The following VPS8 variants were observed in gnomAD, a reference collection of about 807,000 sequenced individuals.
The protein encoded by VPS8 is vacuolar protein sorting-associated protein 8 homolog.
Under a neutral mutation model 216.4 loss-of-function variants are expected in VPS8, and 129 were observed. The observed-to-expected ratio is 0.60, with a 90% CI of 0.52 to 0.69. The LOEUF is 0.69. VPS8 is among the 30% of genes least tolerant of loss of function. The pLI is 0.00. For missense variants in VPS8, 1,531 were observed against 1,683.5 expected (o/e 0.91, Z 1.59); for synonymous variants, 571 against 565.4 (o/e 1.01, Z -0.14).
intron 36 of VPS8, among the ~76,000 whole-genome samples, chr3:184,946,077 A>G (rs563975123): frequency 6.6e-6 from 1 of 152,348 alleles, no homozygotes; most frequent in South Asian, 2.1e-4. Flanking sequence ...GGTGTTATCT[A>G]TAGGAGCAGT....
intron 21 of VPS8, among the ~76,000 whole-genome samples, chr3:184,874,619 TTTAG>T (rs1256846613): frequency 2.0e-5 from 3 of 151,954 alleles, no homozygotes; most frequent in African/African-American, 7.3e-5. Context: ...TGGACAGGGT[TTTAG>T]TTGACCATAA....
At chr3:184,939,080 T>C (rs192036918) in intron 35 of VPS8, among the ~76,000 whole-genome samples, 1 of 152,024 alleles carries the variant, frequency 6.6e-6, no homozygotes, top group Non-Finnish European at 1.5e-5. Flanking sequence ...ACATTTCTTT[T>C]AAAGAAATGA....
chr3:184,826,095 C>G, intron 2 of VPS8, 68 bp from the exon 3 acceptor site: 1 of 1,160,942 alleles, frequency 8.6e-7, no homozygotes, highest in Non-Finnish European at 1.2e-6. Flanking sequence ...TTTTAATCAA[C>G]TAAAACCCCT....
At position 185,016,202 on chromosome 3, in the gene VPS8, C is replaced by T. The variant is rs180983627; in HGVS notation, c.4003-8134C>T. 2.8e-4 allele frequency among the ~76,000 whole-genome samples: 42 copies of T among 152,282 alleles called. No homozygotes were observed. The East Asian group carries it at 7.1e-3, about 26-fold the overall frequency. ...ATCTAATGTTTTCAGTTGATCCCTA[C>T]GTATCGTTACTTTCTGTGGCACAAT... On this transcript the variant is annotated intron_variant, in intron 45 of 47. Transcript: ENST00000625842.
At position 184,938,641 on chromosome 3, in the gene VPS8, C is replaced by CTTTTTT. The variant is rs1298836777; in HGVS notation, c.2989-1554_2989-1549dup. 3.7e-3 allele frequency among the ~76,000 whole-genome samples: 517 copies of CTTTTTT among 137,966 alleles called. 2 individuals carry two copies. The highest frequency in any genetic ancestry group is 5.8e-3 in the African/African-American group (187 of 32,356). The allele number at this position is 137,966 out of a possible 152,430, so 90.5% of individuals were successfully genotyped here. ...CACTTGTAGGATTTTCTTTTCTTTT[C>CTTTTTT]TTTTTTTCTTTTTTTTTTTTTGTAG... On this transcript the variant is annotated intron_variant, in intron 35 of 47. Transcript: ENST00000625842.
intron 45 of VPS8, among the ~76,000 whole-genome samples, chr3:185,020,789 A>C (rs1342069088): frequency 6.6e-6 from 1 of 152,196 alleles, no homozygotes; most frequent in Admixed American, 6.5e-5. Context: ...AACAACAACA[A>C]AAGCCAGCTG....
chr3:184,924,889 C>T lies in VPS8; in HGVS notation c.2482C>T (p.Pro828Ser). 6.2e-7 allele frequency: 1 copy of T among 1,613,402 alleles called. No individual in the cohort carries two copies. The highest frequency in any genetic ancestry group is 8.5e-7 in the Non-Finnish European group (1 of 1,179,700). Residue 828 changes from proline to serine, a missense_variant, in exon 30 of 48, where the codon CCC becomes TCC. Around this residue, in one of 3 missense-constraint regions of VPS8, gnomAD observed 1,318 missense variants for 1,468.4 expected, o/e 0.90. Coordinates refer to ENST00000625842, the MANE Select transcript of VPS8 (RefSeq NM_001009921.3). Reference sequence around the variant, plus strand: ...TATGGTGGAGAATTCAGACTTTACCCCCTCACAAGTAGGATGTCTCTTTAC... The same window carrying T: ...TATGGTGGAGAATTCAGACTTTACCTCCTCACAAGTAGGATGTCTCTTTAC... ...KVMVENSDFTPSQVGCLFTFL... is the reference protein window; with the variant it reads ...KVMVENSDFTSSQVGCLFTFL...
In VPS8 at chr3:184,999,815, G is replaced by A. The variant is rs115596747; in HGVS notation, c.3956G>A (p.Ser1319Asn). The A allele has an allele frequency of 2.1e-3, 3,373 of 1,612,018 alleles. 68 individuals carry two copies. In the African/African-American group the frequency reaches 0.04, roughly 19 times the overall value. The change falls in exon 45 of 48, where the codon AGT (serine) becomes AAT (asparagine). Residue 1319 changes from serine (S) to asparagine (N), a missense_variant. Physicochemically the swap from Ser to Asn is conservative, Grantham distance 46 (BLOSUM62 1). Transcript: ENST00000625842. ...TCAAGTAACAAAGTAGGAAAACTCAGTGAAAATTCATCTGAAATTAAAAAG... is the reference window on the plus strand; with the variant it reads ...TCAAGTAACAAAGTAGGAAAACTCAATGAAAATTCATCTGAAATTAAAAAG... ...CSSSNKVGKL[S>N]ENSSEIKKGR...
At chr3:184,958,032 TAAC>T (rs1745911523) in intron 37 of VPS8, among the ~76,000 whole-genome samples, 1 of 152,220 alleles carries the variant, frequency 6.6e-6, no homozygotes, top group Non-Finnish European at 1.5e-5. Flanking sequence ...GTCTTTAACT[TAAC>T]AATCCTCAAT....
Position 184,890,877 on chromosome 3 carries a change from A to AT in VPS8, c.1782-3817dup, listed in dbSNP as rs201050616. 5.6e-3 allele frequency among the ~76,000 whole-genome samples: 846 copies of AT among 150,262 alleles called. 12 individuals carry two copies. Among genetic ancestry groups the AT allele is most frequent in the African/African-American group, 0.019 (767 of 40,924 alleles). On this transcript the variant is annotated intron_variant, in intron 22 of 47. Coordinates refer to ENST00000625842, the MANE Select transcript of VPS8 (RefSeq NM_001009921.3). Reference sequence around the variant, plus strand: ...ATTTCATTTCAATTTGGTTTTGTGTATTTTTTTTTCAGTATTAGACAAAAG... The same window carrying AT: ...ATTTCATTTCAATTTGGTTTTGTGTATTTTTTTTTTCAGTATTAGACAAAAG...
intron 46 of VPS8, among the ~76,000 whole-genome samples, chr3:185,042,255 C>T (rs1393497336): frequency 6.6e-6 from 1 of 152,110 alleles, no homozygotes; most frequent in Non-Finnish European, 1.5e-5. Context: ...AGGTTTTTTT[C>T]TGGCAAGCTA....
chr3:184,991,373 A>G (rs1162177147), intron 42 of VPS8, among the ~76,000 whole-genome samples: 1 of 152,230 alleles, frequency 6.6e-6, no homozygotes, highest in Non-Finnish European at 1.5e-5. Flanking sequence ...TTGAAGAGCT[A>G]GTGGGTTGGA....
chr3:185,004,356 C>T (rs531922945), intron 45 of VPS8, among the ~76,000 whole-genome samples: 27 of 151,810 alleles, frequency 1.8e-4, no homozygotes, highest in South Asian at 1.5e-3. Context: ...GGCGCGCGCC[C>T]GCAATCGCAG....
At chr3:184,954,769 T>G (rs1406503799) in intron 36 of VPS8, among the ~76,000 whole-genome samples, 1 of 152,140 alleles carries the variant, frequency 6.6e-6, no homozygotes, top group East Asian at 1.9e-4. Flanking sequence ...GGCAAGAGAC[T>G]GAAGGCACAA....
intron 45 of VPS8, among the ~76,000 whole-genome samples, chr3:185,011,924 C>T (rs1024869679): frequency 6.6e-6 from 1 of 152,076 alleles, no homozygotes; most frequent in Non-Finnish European, 1.5e-5. Context: ...AAAAGATTAA[C>T]AGAATGATTG....
At position 184,849,190 on chromosome 3, in the gene VPS8, G is replaced by A. The variant is rs750642508; in HGVS notation, c.661G>A (p.Gly221Arg). Reference sequence around the variant, plus strand: ...AAGACTTCTTTGTGGCTTTGCTAAAGGACAGGTAAGATATGAACCTCCTTT... The same window carrying A: ...AAGACTTCTTTGTGGCTTTGCTAAAAGACAGGTAAGATATGAACCTCCTTT... The part of the protein sequence containing the change: ...CSRLLCGFAK[G>R]QITMWDLASG... Residue 221 changes from glycine (G) to arginine (R), a missense_variant, in exon 9 of 48, where the codon GGA (glycine) becomes AGA (arginine). By Grantham distance (125) the Gly-to-Arg change is moderately radical. This residue lies in a region of VPS8 where 1,318 missense variants were observed against 1,468.4 expected (regional missense o/e 0.90). Coordinates refer to ENST00000625842, the MANE Select transcript of VPS8 (RefSeq NM_001009921.3). 1 of 1,612,872 alleles carries A rather than the reference G, an allele frequency of 6.2e-7. No individual in the cohort carries two copies. Among genetic ancestry groups the A allele is most frequent in the Non-Finnish European group, 8.5e-7 (1 of 1,179,204 alleles).
chr3:184,827,481 T>G (rs1278826664), intron 3 of VPS8, among the ~76,000 whole-genome samples: 1 of 152,234 alleles, frequency 6.6e-6, no homozygotes, highest in Non-Finnish European at 1.5e-5. Context: ...ATAGAGGAAA[T>G]CTTTCATTTA....
chr3:184,970,694 A>G (rs77958760), intron 39 of VPS8, among the ~76,000 whole-genome samples: 6,486 of 152,166 alleles, frequency 0.043, 247 homozygotes, highest in East Asian at 0.11. Context: ...CTTACATTCT[A>G]TTTTTCAGAA....
intron 25 of VPS8, among the ~76,000 whole-genome samples, chr3:184,904,449 A>G (rs1735118096): frequency 6.6e-6 from 1 of 152,230 alleles, no homozygotes; most frequent in Non-Finnish European, 1.5e-5. Flanking sequence ...GCAGCTATTA[A>G]GATTATCTTG....
Sources: gnomAD v4.1 joint callset for allele counts (sites outside exome capture counted in the v4.1 genomes callset) on GRCh38, gnomAD v4.1.1 for gene constraint, gnomAD v4.1.1 regional missense constraint, MANE v1.5 for transcripts, NCBI Gene and HGNC (gene_info 2026-07-23, HGNC 2026-07-21) for gene names.